WDFY1: variants seen among roughly 807,000 people sequenced by gnomAD.
WDFY1 encodes the protein WD repeat and FYVE domain containing 1.
In WDFY1, 32 loss-of-function variants were observed where a neutral mutation model predicts 56.4. That is an observed-to-expected ratio of 0.57 (90% CI 0.43 to 0.76). WDFY1 has a LOEUF of 0.76. WDFY1 is among the 30% of genes least tolerant of loss of function. WDFY1 has a pLI of 0.00. For missense variants in WDFY1, 480 were observed against 545.7 expected, an observed-to-expected ratio of 0.88 and a Z score of 1.20; for synonymous variants, 192 against 197.3, an observed-to-expected ratio of 0.97 and a Z score of 0.23.
At chr2:223,928,613 T>C (rs1694023494) in intron 1 of WDFY1, among the ~76,000 whole-genome samples, 1 of 152,208 alleles carries the variant, frequency 6.6e-6, no homozygotes, top group African/African-American at 2.4e-5. Context: ...TTCTACATGT[T>C]AAAATGTTCC....
intron 6 of WDFY1, among the ~76,000 whole-genome samples, 163 bp downstream of exon 6, chr2:223,898,795 C>T (rs1052128251): frequency 1.3e-5 from 2 of 152,160 alleles, no homozygotes; most frequent in South Asian, 2.1e-4. Flanking sequence ...GAACCCATCA[C>T]CCCACCTTCA....
chr2:223,918,630 C>A lies in WDFY1; in HGVS notation c.138-620G>T, dbSNP rs1364208918. Among the ~76,000 whole-genome samples, 8 of 137,736 alleles carry A rather than the reference C, an allele frequency of 5.8e-5. No individual in the cohort carries two copies. The East Asian group carries it at 6.6e-4, about 11-fold the overall frequency. The allele number at this position is 137,736 out of a possible 152,430, so 90.4% of individuals were successfully genotyped here. ...TGGGCTACAGAGTGAGACTCTGTCT[C>A]AAAAAAAAAAAAAAGAAAAACAAAT... On this transcript the variant is annotated intron_variant, in intron 1 of 11. Coordinates refer to ENST00000233055, the MANE Select transcript of WDFY1 (RefSeq NM_020830.5).
intron 1 of WDFY1, among the ~76,000 whole-genome samples, chr2:223,940,637 ATTTC>A (rs1032497495): frequency 4.9e-5 from 7 of 141,830 alleles, no homozygotes; most frequent in African/African-American, 1.8e-4. Context: ...CAAATTCCTT[ATTTC>A]TTTCTTTTTT....
At chr2:223,896,813 G>A (rs533764367) in intron 6 of WDFY1, among the ~76,000 whole-genome samples, 1 of 152,076 alleles carries the variant, frequency 6.6e-6, no homozygotes, top group Non-Finnish European at 1.5e-5. Flanking sequence ...CATGACTTTC[G>A]ACCCTGTGTA....
chr2:223,903,072 ATTTTTAG>A (rs907357969), intron 4 of WDFY1, among the ~76,000 whole-genome samples: 4 of 152,102 alleles, frequency 2.6e-5, no homozygotes, highest in Non-Finnish European at 5.9e-5. Context: ...ATTTTGCTTC[ATTTTTAG>A]TTTTTAAACT....
chr2:223,935,084 C>A (rs1004778273), intron 1 of WDFY1, among the ~76,000 whole-genome samples: 1 of 152,052 alleles, frequency 6.6e-6, no homozygotes, highest in Non-Finnish European at 1.5e-5. Context: ...TGCAGGTATC[C>A]CAGGAATTCC....
At chr2:223,944,693 G>A (rs1485616246) in intron 1 of WDFY1, among the ~76,000 whole-genome samples, 2 of 150,162 alleles carry the variant, frequency 1.3e-5, no homozygotes, top group African/African-American at 4.9e-5. Flanking sequence ...GGGATGGACG[G>A]GCGCAGTGGG....
chr2:223,945,095 C>T lies in WDFY1; in HGVS notation c.137+53G>A, dbSNP rs567788710. 435 of 1,531,074 alleles carry T rather than the reference C, an allele frequency of 2.8e-4. 2 individuals carry two copies. The African/African-American group carries it at 5.4e-3, about 19-fold the overall frequency. 94.8% of individuals were successfully genotyped at this position (1,531,074 alleles called of 1,614,324 possible). A position where few individuals can be genotyped will look rare whatever the true frequency, so the allele number is the denominator to read the frequency against. ...ACCGGGGCCGCGGACCCCACCGCCCCCACACCCCGTCGTCGCGGAGTTCGG... is the reference window on the plus strand; with the variant it reads ...ACCGGGGCCGCGGACCCCACCGCCCTCACACCCCGTCGTCGCGGAGTTCGG... On this transcript the variant is annotated intron_variant, in intron 1 of 11. Transcript: ENST00000233055.
rs771597799 is a variant in WDFY1 at position 223,945,262 on chromosome 2, C to T, written c.23G>A (p.Arg8Lys). ...CAGCACCGGGCGGCTGCTCTGCGGC[C>T]TGGAGTGGATTTCGGCCGCCATGTT... MAAEIHS[R>K]PQSSRPVLLS... Residue 8 changes from arginine (R) to lysine (K), a missense_variant, in exon 1 of 12, where the codon AGG becomes AAG. Coordinates refer to ENST00000233055, the MANE Select transcript of WDFY1 (RefSeq NM_020830.5). 6.3e-7 allele frequency: 1 copy of T among 1,582,010 alleles called. No homozygotes were observed. The highest frequency in any genetic ancestry group is 1.1e-5 in the South Asian group (1 of 88,866).
intron 10 of WDFY1, among the ~76,000 whole-genome samples, chr2:223,881,236 A>G (rs1693064672): frequency 6.6e-6 from 1 of 152,222 alleles, no homozygotes; most frequent in African/African-American, 2.4e-5. Flanking sequence ...CAGTAAATTT[A>G]CATGCATGTG....
intron 1 of WDFY1, among the ~76,000 whole-genome samples, chr2:223,940,060 C>T (rs1689272422): frequency 6.6e-6 from 1 of 152,206 alleles, no homozygotes; most frequent in Non-Finnish European, 1.5e-5. Context: ...CTGGCTCATG[C>T]CTGTAATCCC....
In WDFY1 at chr2:223,945,330, G is replaced by C; in HGVS notation, c.-46C>G. 1 of 1,515,728 alleles carries C rather than the reference G, an allele frequency of 6.6e-7. No homozygotes were observed. The highest frequency in any genetic ancestry group is 8.8e-7 in the Non-Finnish European group (1 of 1,141,150). 93.9% of individuals were successfully genotyped at this position (1,515,728 alleles called of 1,614,324 possible). On this transcript the variant is annotated 5_prime_UTR_variant, in exon 1 of 12. Coordinates refer to ENST00000233055, the MANE Select transcript of WDFY1 (RefSeq NM_020830.5). The stretch of plus-strand genomic sequence containing the variant: ...GGCCTCCTCGGCAGGCAGCCCATCA[G>C]CTGACGCCTGGGCGGGCGGGGGACG...
chr2:223,923,768 A>AT (rs1180822381), intron 1 of WDFY1, among the ~76,000 whole-genome samples: 10 of 152,042 alleles, frequency 6.6e-5, no homozygotes, highest in Non-Finnish European at 1.0e-4. Flanking sequence ...CTCAAAAAAA[A>AT]AAAATAAATA....
At chr2:223,944,505 G>A (rs1189897433) in intron 1 of WDFY1, among the ~76,000 whole-genome samples, 1 of 151,512 alleles carries the variant, frequency 6.6e-6, no homozygotes, top group South Asian at 2.1e-4. Context: ...CGGTGAGACA[G>A]AGTTCCCGCG....
chr2:223,901,005 AGTAATTGCAATTTTT>A (rs1693498757), intron 5 of WDFY1, 163 bp downstream of exon 5: 2 of 729,004 alleles, frequency 2.7e-6, no homozygotes, highest in Non-Finnish European at 4.2e-6. Flanking sequence ...TTGGTGCAAA[AGTAATTGCAATTTTT>A]GCAATTACTT....
Position 223,882,076 on chromosome 2 carries a change from C to T in WDFY1, c.934-4G>A, listed in dbSNP as rs1179316655. On this transcript the variant is annotated splice_region_variant and splice_polypyrimidine_tract_variant and intron_variant, in intron 9 of 11. Coordinates refer to ENST00000233055, the MANE Select transcript of WDFY1 (RefSeq NM_020830.5). Reference sequence around the variant, plus strand: ...GCCCGCATTTCCTGCAGTGATGCTTCACAGGTGACCGGGAGGAGGAAAACA... The same window carrying T: ...GCCCGCATTTCCTGCAGTGATGCTTTACAGGTGACCGGGAGGAGGAAAACA... 1.2e-6 allele frequency: 2 copies of T among 1,612,372 alleles called. No individual in the cohort carries two copies. The highest frequency in any genetic ancestry group is 1.7e-6 in the Non-Finnish European group (2 of 1,179,044).
chr2:223,933,346 A>AT (rs35417214), intron 1 of WDFY1, among the ~76,000 whole-genome samples: 3,439 of 147,094 alleles, frequency 0.023, 113 homozygotes, highest in African/African-American at 0.079. Flanking sequence ...AAACCTGCAG[A>AT]TTTTTTTTTT....
chr2:223,936,815 C>G (rs572079124), intron 1 of WDFY1, among the ~76,000 whole-genome samples: 1 of 152,310 alleles, frequency 6.6e-6, no homozygotes, highest in South Asian at 2.1e-4. Context: ...ACCTACATGA[C>G]CAGCCTCTAA....
Position 223,878,595 on chromosome 2 carries a change from G to T in WDFY1, c.*76C>A. 1 of 1,102,544 alleles carries T rather than the reference G, an allele frequency of 9.1e-7. No homozygotes were observed. Among genetic ancestry groups the T allele is most frequent in the African/African-American group, 1.5e-5 (1 of 64,712 alleles). The allele number at this position is 1,102,544 out of a possible 1,614,324, so 68.3% of individuals were successfully genotyped here. ...GGCTACTGTCCATTCACGAGACAGC[G>T]CTGTGGAGCTGCGTGAGAGGGACTT... On this transcript the variant is annotated 3_prime_UTR_variant, in exon 12 of 12. Transcript: ENST00000233055.
Sources: allele counts gnomAD v4.1 joint callset (sites outside exome capture counted in the v4.1 genomes callset), GRCh38; gene constraint gnomAD v4.1.1; transcripts MANE v1.5; gene names NCBI Gene and HGNC (gene_info 2026-07-23, HGNC 2026-07-21).